ADAMTSL1: variants seen among roughly 807,000 people sequenced by gnomAD.
ADAMTSL1 encodes ADAMTS-like protein 1.
ADAMTSL1 carries 126 observed loss-of-function variants against 201.8 expected under a neutral mutation model. That is an observed-to-expected ratio of 0.62 (90% confidence interval 0.54 to 0.72). The LOEUF (loss-of-function observed/expected upper bound fraction) is 0.72, where lower values mean the gene tolerates loss of function less well. ADAMTSL1 is among the 30% of genes least tolerant of loss of function. The probability of loss-of-function intolerance (pLI) is 0.00; values close to 1 mark genes in which losing one functional copy is unlikely to be tolerated. For missense variants in ADAMTSL1, 2,679 were observed against 2,277.8 expected (o/e 1.18, Z -3.59); for synonymous variants, 1,121 against 903.4 (o/e 1.24, Z -4.32).
At chr9:18,096,338 G>T (rs1005220372) in intron 1 of ADAMTSL1, among the ~76,000 whole-genome samples, 1 of 152,104 alleles carries the variant, frequency 6.6e-6, no homozygotes, top group Non-Finnish European at 1.5e-5. Context: ...ATCAATAAAC[G>T]TATATTTAAT....
At chr9:18,329,763 T>C (rs775563475) in intron 2 of ADAMTSL1, among the ~76,000 whole-genome samples, 3 of 151,922 alleles carry the variant, frequency 2.0e-5, no homozygotes, top group Non-Finnish European at 4.4e-5. Context: ...AAAGCATTTA[T>C]TTCCTCACTT....
rs757449217 is a variant in ADAMTSL1, at chr9:18,626,839, T to TTC, written c.601+4471_601+4472insCT. On this transcript the variant is annotated intron_variant, in intron 5 of 28. Coordinates refer to ENST00000380548, the MANE Select transcript of ADAMTSL1 (RefSeq NM_001040272.6). ...TTTCTTTCTTTCTTTCTTACTTTCT[T>TTC]TTTCTTTCTTTCTTTCTTTCTTTCT... Among the ~76,000 whole-genome samples, 1,215 of 133,326 alleles carry TTC rather than the reference T, an allele frequency of 9.1e-3. 17 individuals are homozygous for TTC. The highest frequency in any genetic ancestry group is 0.03 in the African/African-American group (1,051 of 34,698). The allele number at this position is 133,326 out of a possible 152,430, so 87.5% of individuals were successfully genotyped here. A position where few individuals can be genotyped will look rare whatever the true frequency, so the allele number is the denominator to read the frequency against.
At chr9:18,446,971 ATT>A (rs375285785) in intron 2 of ADAMTSL1, among the ~76,000 whole-genome samples, 1 of 148,558 alleles carries the variant, frequency 6.7e-6, no homozygotes, top group African/African-American at 2.5e-5. Flanking sequence ...TAACATGAAC[ATT>A]TTTTTTTTTA....
chr9:18,866,621 C>G (rs1827555871), intron 23 of ADAMTSL1, among the ~76,000 whole-genome samples: 1 of 152,130 alleles, frequency 6.6e-6, no homozygotes, highest in Admixed American at 6.5e-5. Flanking sequence ...GGTCACTGTC[C>G]TGATGTGAAG....
At chr9:18,743,942 C>T (rs1432539200) in intron 15 of ADAMTSL1, among the ~76,000 whole-genome samples, 1 of 152,152 alleles carries the variant, frequency 6.6e-6, no homozygotes, top group Non-Finnish European at 1.5e-5. Context: ...TGTAACCCTT[C>T]GTGATTCACT....
At chr9:18,428,329 G>A (rs1381329657) in intron 2 of ADAMTSL1, among the ~76,000 whole-genome samples, 2 of 150,818 alleles carry the variant, frequency 1.3e-5, no homozygotes, top group Non-Finnish European at 2.9e-5. Flanking sequence ...TCTATCAGTG[G>A]CTCACATCTA....
At chr9:18,543,490 C>T (rs778712591) in intron 3 of ADAMTSL1, among the ~76,000 whole-genome samples, 30 of 152,158 alleles carry the variant, frequency 2.0e-4, no homozygotes, top group Non-Finnish European at 4.3e-4. Flanking sequence ...CTTTCAGTAT[C>T]TTGCAAATAA....
intron 19 of ADAMTSL1, among the ~76,000 whole-genome samples, chr9:18,790,924 C>A (rs1821995633): frequency 6.6e-6 from 1 of 152,172 alleles, no homozygotes; most frequent in Non-Finnish European, 1.5e-5. Flanking sequence ...TGTACCCATT[C>A]TATGTCCCCA....
In ADAMTSL1 at chr9:18,711,505, G is replaced by T. The variant is rs527706086; in HGVS notation, c.1876+4457G>T. Among the ~76,000 whole-genome samples the T allele has an allele frequency of 1.2e-4, 19 of 152,308 alleles. No individual in the cohort carries two copies. The South Asian group carries it at 3.9e-3, about 32-fold the overall frequency. ...GTGACAGACGGCACCTGGAAAATCG[G>T]GTCACTCCCACCCAAATACTGCGCT... On this transcript the variant is annotated intron_variant, in intron 14 of 28. Transcript: ENST00000380548.
At position 18,496,189 on chromosome 9, in the gene ADAMTSL1, T is replaced by C. The variant is rs139763320; in HGVS notation, c.64-8640T>C. ...TCTATACTGACTCTTTGTAAACTAG[T>C]ACTACATAATGGGACATCAAGTAAC... On this transcript the variant is annotated intron_variant, in intron 1 of 28. Coordinates refer to ENST00000380548, the MANE Select transcript of ADAMTSL1 (RefSeq NM_001040272.6). 5.9e-5 allele frequency among the ~76,000 whole-genome samples: 9 copies of C among 152,334 alleles called. No individual in the cohort carries two copies. The East Asian group carries it at 1.7e-3, about 29-fold the overall frequency.
chr9:18,255,878 C>T (rs1181338180), intron 2 of ADAMTSL1, among the ~76,000 whole-genome samples: 1 of 152,190 alleles, frequency 6.6e-6, no homozygotes, highest in African/African-American at 2.4e-5. Flanking sequence ...TTTCTGACTA[C>T]ATAACTGCGA....
At chr9:17,953,528 G>A (rs904644425) in intron 1 of ADAMTSL1, among the ~76,000 whole-genome samples, 7 of 152,084 alleles carry the variant, frequency 4.6e-5, no homozygotes, top group African/African-American at 7.2e-5. Context: ...TTCATTCATC[G>A]TCGTTCCTAA....
chr9:18,596,510 C>T (rs1824272631), intron 4 of ADAMTSL1, among the ~76,000 whole-genome samples: 1 of 152,152 alleles, frequency 6.6e-6, no homozygotes, highest in Non-Finnish European at 1.5e-5. Context: ...CATGGTGCCT[C>T]AGCCTCCTGA....
Position 18,182,144 on chromosome 9 carries a change from G to T in ADAMTSL1, c.207+18163G>T, listed in dbSNP as rs1490887339. ...CACACTCTGGGGCCTGTTGTGGTGTGGGGGGAGGGGGGAGGGATAGCATTG... is the reference window on the plus strand; with the variant it reads ...CACACTCTGGGGCCTGTTGTGGTGTTGGGGGAGGGGGGAGGGATAGCATTG... On this transcript the variant is annotated intron_variant, in intron 2 of 29. Transcript: ENST00000680146. Among the ~76,000 whole-genome samples the T allele has an allele frequency of 1.6e-3, 230 of 144,660 alleles. 1 individual carries two copies. Among genetic ancestry groups the T allele is most frequent in the Non-Finnish European group, 2.7e-3 (176 of 65,776 alleles). 94.9% of individuals were successfully genotyped at this position (144,660 alleles called of 152,430 possible).
intron 2 of ADAMTSL1, among the ~76,000 whole-genome samples, chr9:18,287,541 C>T (rs1371787579): frequency 6.7e-6 from 1 of 149,862 alleles, no homozygotes; most frequent in Non-Finnish European, 1.5e-5. Context: ...ATGTAAAATA[C>T]ATATACATAC....
At chr9:18,160,686 A>C (rs1221789603) in intron 1 of ADAMTSL1, among the ~76,000 whole-genome samples, 2 of 151,148 alleles carry the variant, frequency 1.3e-5, no homozygotes, top group Non-Finnish European at 3.0e-5. Flanking sequence ...TTAATTAATT[A>C]ATTAATTTTT....
At chr9:18,195,197 G>T (rs946179833) in intron 2 of ADAMTSL1, among the ~76,000 whole-genome samples, 10 of 152,088 alleles carry the variant, frequency 6.6e-5, no homozygotes, top group African/African-American at 2.4e-4. Flanking sequence ...AAAATTCGTA[G>T]TCAGTTCACT....
At chr9:18,159,618 C>G (rs978827793) in intron 1 of ADAMTSL1, among the ~76,000 whole-genome samples, 79 of 151,992 alleles carry the variant, frequency 5.2e-4, no homozygotes, top group African/African-American at 1.8e-3. Flanking sequence ...TGTATTTTAA[C>G]TTTCCAAATT....
rs758199570 is a variant in ADAMTSL1 at position 18,887,934 on chromosome 9, A to G, written c.4353A>G (p.Gly1451=). The part of the protein sequence containing the change: ...TGLTHHILAA[G]QILQVANLSG... The stretch of plus-strand genomic sequence containing the variant: ...TGACGCATCACATCTTGGCAGCTGG[A>G]CAGATCCTTCAAGTTGCAAACCTTA... Residue 1451 remains glycine, a synonymous_variant, in exon 24 of 29, where the codon GGA becomes GGG. Transcript: ENST00000380548. 22 of 1,613,920 alleles carry G rather than the reference A, an allele frequency of 1.4e-5. No individual in the cohort carries two copies. Among genetic ancestry groups the G allele is most frequent in the Non-Finnish European group, 1.8e-5 (21 of 1,179,904 alleles).
Sources: gnomAD v4.1 joint callset for allele counts (sites outside exome capture counted in the v4.1 genomes callset) on GRCh38, gnomAD v4.1.1 for gene constraint, MANE v1.5 for transcripts, NCBI Gene and HGNC (gene_info 2026-07-23, HGNC 2026-07-21) for gene names.